WDR82: variants seen among roughly 807,000 people sequenced by gnomAD.
WDR82 encodes WD repeat-containing protein 82.
A neutral mutation model predicts 36.1 loss-of-function variants in WDR82; 8 were observed. The observed-to-expected ratio is 0.22, with a 90% CI of 0.13 to 0.40. WDR82 has a LOEUF of 0.40. Among genes scored for constraint, WDR82 ranks in the 10% least tolerant of loss-of-function variants. WDR82 has a pLI of 1.00. For synonymous variants in WDR82, 129 were observed against 137.8 expected (o/e 0.94, Z 0.45); for missense variants, 185 against 400.5 (o/e 0.46, Z 4.59).
rs1700111499 is a variant in WDR82, at chr3:52,266,943, G to A, written c.326+9C>T. 1.2e-6 allele frequency: 2 copies of A among 1,605,886 alleles called. No individual in the cohort carries two copies. The highest frequency in any genetic ancestry group is 1.3e-5 in the African/African-American group (1 of 74,794). ...AGAACTATCTGCTTCTATAATACGT[G>A]GGTCTTACCTTTTGCTATGTCCAGG... is the stretch of plus-strand genomic sequence containing the variant. On this transcript the variant is annotated intron_variant, in intron 3 of 8. Transcript: ENST00000296490.
At chr3:52,269,496 G>A (rs757168879) in intron 2 of WDR82, among the ~76,000 whole-genome samples, 13 of 151,104 alleles carry the variant, frequency 8.6e-5, no homozygotes, top group Admixed American at 2.6e-4. Flanking sequence ...AGAATAGGCC[G>A]GGCACGGTGG....
chr3:52,274,899 A>AAAAAC (rs551515790), intron 1 of WDR82, among the ~76,000 whole-genome samples: 10 of 149,432 alleles, frequency 6.7e-5, no homozygotes, highest in South Asian at 4.2e-4. Context: ...AGGCAGTCTC[A>AAAAAC]AAAACAAAAC....
intron 1 of WDR82, among the ~76,000 whole-genome samples, chr3:52,277,228 G>C (rs1207138197): frequency 1.3e-5 from 2 of 152,032 alleles, no homozygotes; most frequent in African/African-American, 4.8e-5. Context: ...CTAGTTTTTG[G>C]CTCCAAGGAG....
intron 3 of WDR82, among the ~76,000 whole-genome samples, chr3:52,262,452 G>A (rs568532483): frequency 6.6e-6 from 1 of 152,294 alleles, no homozygotes; most frequent in South Asian, 2.1e-4. Context: ...AGATGTGTGA[G>A]GACTACACAG....
intron 1 of WDR82, 157 bp downstream of exon 1, chr3:52,278,044 G>C: frequency 1.8e-6 from 1 of 541,044 alleles, no homozygotes; most frequent in Non-Finnish European, 2.9e-6. Context: ...AAAATAAAAG[G>C]TCTCCTGGAC....
chr3:52,264,286 G>A (rs945016376), intron 3 of WDR82, among the ~76,000 whole-genome samples: 1 of 152,172 alleles, frequency 6.6e-6, no homozygotes, highest in African/African-American at 2.4e-5. Flanking sequence ...CAGCGATGGA[G>A]ATAAGAAAGC....
At chr3:52,265,288 A>T (rs1700095451) in intron 3 of WDR82, among the ~76,000 whole-genome samples, 1 of 107,162 alleles carries the variant, frequency 9.3e-6, no homozygotes, top group Non-Finnish European at 1.7e-5. Context: ...CGACAGAGCG[A>T]GACTCTGTCT....
In WDR82 at chr3:52,262,857, G is replaced by A. The variant is rs560971222; in HGVS notation, c.327-1378C>T. ...AAAACACAATGAGCAGGCCAGGTGC[G>A]GTGGCTCATGCCTGTAATCCCAGCA... is the stretch of plus-strand genomic sequence containing the variant. On this transcript the variant is annotated intron_variant, in intron 3 of 8. Coordinates refer to ENST00000296490, the MANE Select transcript of WDR82 (RefSeq NM_025222.4). Among the ~76,000 whole-genome samples the A allele has an allele frequency of 1.2e-4, 18 of 152,308 alleles. No individual in the cohort carries two copies. In the South Asian group the frequency reaches 1.7e-3, roughly 14 times the overall value.
At chr3:52,278,049 C>T (rs1246401144) in intron 1 of WDR82, 152 bp downstream of exon 1, 1 of 623,960 alleles carries the variant, frequency 1.6e-6, no homozygotes. Context: ...AAAAGGTCTC[C>T]TGGACGGCTG....
chr3:52,267,038 G>T lies in WDR82; in HGVS notation c.260-20C>A. ...TAGTATCTGTAAAAAGACAAACAAG[G>T]TATGATGATATCATACTATTTAAAA... On this transcript the variant is annotated intron_variant, in intron 2 of 8. Coordinates refer to ENST00000296490, the MANE Select transcript of WDR82 (RefSeq NM_025222.4). 1 of 1,583,204 alleles carries T rather than the reference G, an allele frequency of 6.3e-7. No individual in the cohort carries two copies. The highest frequency in any genetic ancestry group is 8.7e-7 in the Non-Finnish European group (1 of 1,155,264).
At chr3:52,270,276 T>A (rs190669845) in intron 2 of WDR82, among the ~76,000 whole-genome samples, 2 of 152,282 alleles carry the variant, frequency 1.3e-5, no homozygotes, top group Non-Finnish European at 2.9e-5. Flanking sequence ...TGCACCACTG[T>A]GCCCAGCTAA....
Position 52,260,490 on chromosome 3 carries a change from A to T in WDR82, c.438T>A (p.His146Gln). Residue 146 changes from histidine (H) to glutamine (Q), a missense_variant, in exon 5 of 9, where the codon CAT (histidine) becomes CAA (glutamine). Physicochemically the swap from His to Gln is conservative, Grantham distance 24 (BLOSUM62 0). Coordinates refer to ENST00000296490, the MANE Select transcript of WDR82 (RefSeq NM_025222.4). Reference protein sequence around the residue: ...LRSPNCQGLMHLQGKPVCSFD... With the variant: ...LRSPNCQGLMQLQGKPVCSFD... Reference sequence around the variant, plus strand: ...AAGAACAAACTGGCTTCCCCTGCAGATGCATGAGGCCCTAAGAGAAAAGAA... The same window carrying T: ...AAGAACAAACTGGCTTCCCCTGCAGTTGCATGAGGCCCTAAGAGAAAAGAA... 6.3e-7 allele frequency: 1 copy of T among 1,582,934 alleles called. No individual in the cohort carries two copies. The highest frequency in any genetic ancestry group is 8.5e-7 in the Non-Finnish European group (1 of 1,170,074).
intron 3 of WDR82, 90 bp from the exon 4 acceptor site, chr3:52,261,569 T>C (rs1239029345): frequency 1.2e-5 from 12 of 992,270 alleles, no homozygotes; most frequent in Admixed American, 3.4e-5. Flanking sequence ...TCTATACATA[T>C]ATATACCTGT....
intron 2 of WDR82, chr3:52,267,308 A>G (rs1700114518): frequency 3.5e-6 from 1 of 285,212 alleles, no homozygotes; most frequent in Non-Finnish European, 6.7e-6. Flanking sequence ...CCCACCCTGC[A>G]AATATACCCT....
rs1421805104 is a variant in WDR82 at position 52,256,997 on chromosome 3, T to C, written c.*493A>G. 1.9e-5 allele frequency: 3 copies of C among 155,240 alleles called. No individual in the cohort carries two copies. The highest frequency in any genetic ancestry group is 7.2e-5 in the African/African-American group (3 of 41,548). The allele number at this position is 155,240 out of a possible 1,614,324, so 9.6% of individuals were successfully genotyped here. On this transcript the variant is annotated 3_prime_UTR_variant, in exon 9 of 9. Transcript: ENST00000296490. Reference sequence around the variant, plus strand: ...AATGTTTGGCACCTAAGAAACATGATGGTTGTGGATAATGCCACAAGTACA... The same window carrying C: ...AATGTTTGGCACCTAAGAAACATGACGGTTGTGGATAATGCCACAAGTACA...
At chr3:52,267,169 G>T in intron 2 of WDR82, 151 bp from the exon 3 acceptor site, 2 of 540,284 alleles carry the variant, frequency 3.7e-6, no homozygotes, top group Non-Finnish European at 6.5e-6. Context: ...ATTCTACTCT[G>T]CAGCTGAAGA....
chr3:52,272,444 T>C (rs976901470), intron 1 of WDR82, among the ~76,000 whole-genome samples: 2 of 149,814 alleles, frequency 1.3e-5, no homozygotes, highest in African/African-American at 5.0e-5. Flanking sequence ...CTCAGGAGGC[T>C]GAGGCACGAG....
chr3:52,271,589 G>GTT (rs11293312), intron 1 of WDR82, among the ~76,000 whole-genome samples: 5 of 148,044 alleles, frequency 3.4e-5, no homozygotes, highest in African/African-American at 1.2e-4. Flanking sequence ...GAAGCTCTGT[G>GTT]TTTTTTTTTT....
intron 1 of WDR82, among the ~76,000 whole-genome samples, chr3:52,275,239 A>G (rs1011480663): frequency 6.6e-6 from 1 of 152,164 alleles, no homozygotes; most frequent in East Asian, 1.9e-4. Context: ...TAAATAAATA[A>G]AAGATACAAT....
Sources: allele counts gnomAD v4.1 joint callset (sites outside exome capture counted in the v4.1 genomes callset), GRCh38; gene constraint gnomAD v4.1.1; transcripts MANE v1.5; gene names NCBI Gene and HGNC (gene_info 2026-07-23, HGNC 2026-07-21).